SULT6B1: variants seen among roughly 807,000 people sequenced by gnomAD.
SULT6B1 encodes the protein sulfotransferase 6B1.
A neutral mutation model predicts 37.2 loss-of-function variants in SULT6B1; 44 were observed. The observed-to-expected ratio is 1.18, with a 90% CI of 0.93 to 1.52. The LOEUF (loss-of-function observed/expected upper bound fraction) is 1.52. SULT6B1 is among the 40% of genes most tolerant of loss of function. SULT6B1 has a pLI of 0.00. For missense variants in SULT6B1, 450 were observed against 361.0 expected, an observed-to-expected ratio of 1.25 and a Z score of -2.00; for synonymous variants, 140 against 126.0, an observed-to-expected ratio of 1.11 and a Z score of -0.74.
At chr2:37,187,318 A>G (rs372229778) in intron 2 of SULT6B1, 37 bp downstream of exon 2, 23 of 1,316,780 alleles carry the variant, frequency 1.7e-5, no homozygotes, top group Non-Finnish European at 2.4e-5. Flanking sequence ...TCTTTCTATG[A>G]TAATTTGCTG....
chr2:37,195,736 A>G (rs1258657299), intron 1 of SULT6B1, among the ~76,000 whole-genome samples: 1 of 151,942 alleles, frequency 6.6e-6, no homozygotes, highest in East Asian at 1.9e-4. Context: ...CTCTGTTTCC[A>G]TGTCCCCTTC....
At chr2:37,187,201 G>C (rs1676692608) in intron 2 of SULT6B1, among the ~76,000 whole-genome samples, 154 bp downstream of exon 2, 1 of 152,164 alleles carries the variant, frequency 6.6e-6, no homozygotes, top group Non-Finnish European at 1.5e-5. Flanking sequence ...AAAATGAGAT[G>C]ATACCTGAAC....
chr2:37,170,525 A>C (rs1479620411), intron 6 of SULT6B1, among the ~76,000 whole-genome samples: 1 of 149,934 alleles, frequency 6.7e-6, no homozygotes, highest in East Asian at 2.0e-4. Context: ...GGCCAGGTGC[A>C]GTGGCTCACG....
At chr2:37,179,169 A>G (rs1375557864) in intron 4 of SULT6B1, among the ~76,000 whole-genome samples, 1 of 152,166 alleles carries the variant, frequency 6.6e-6, no homozygotes, top group Non-Finnish European at 1.5e-5. Flanking sequence ...CGTGTTAGCC[A>G]GGACAGTCTT....
At chr2:37,177,411 C>CAAAAAAAAAAAAAAAAAAAAAAA (rs57205863) in intron 4 of SULT6B1, among the ~76,000 whole-genome samples, 1 of 76,294 alleles carries the variant, frequency 1.3e-5, no homozygotes, top group Non-Finnish European at 2.4e-5. Context: ...AATCTTGTCT[C>CAAAAAAAAAAAAAAAAAAAAAAA]AAAAAAAAAA....
intron 4 of SULT6B1, among the ~76,000 whole-genome samples, chr2:37,176,372 G>C (rs567190619): frequency 7.2e-6 from 1 of 139,670 alleles, no homozygotes; most frequent in Non-Finnish European, 1.5e-5. Flanking sequence ...AAGCAATTCT[G>C]TCTCAGTCTC....
At chr2:37,185,049 T>C (rs188783913) in intron 2 of SULT6B1, among the ~76,000 whole-genome samples, 128 of 152,034 alleles carry the variant, frequency 8.4e-4, no homozygotes, top group African/African-American at 2.9e-3. Context: ...GTAACCCCCA[T>C]TTTAGAGATT....
Position 37,183,503 on chromosome 2 carries a change from G to A in SULT6B1, c.324C>T (p.Gly108=). 6.2e-7 allele frequency: 1 copy of A among 1,613,698 alleles called. No homozygotes were observed. The highest frequency in any genetic ancestry group is 8.5e-7 in the Non-Finnish European group (1 of 1,179,632). Residue 108 remains glycine (G), a synonymous_variant, in exon 3 of 7, where the codon GGC becomes GGT. Coordinates refer to ENST00000535679, the MANE Select transcript of SULT6B1 (RefSeq NM_001367551.1). The stretch of plus-strand genomic sequence containing the variant: ...TTGCCAAAATCCTTGGTGATGGAAA[G>A]CCTTTCATTCTCTTAAAAATATACA... The part of the protein sequence containing the change: ...GDSEKYQRMK[G]FPSPRILATH...
intron 2 of SULT6B1, among the ~76,000 whole-genome samples, chr2:37,184,315 AC>A (rs1442466161): frequency 6.6e-6 from 1 of 152,246 alleles, no homozygotes; most frequent in Non-Finnish European, 1.5e-5. Flanking sequence ...GTACAGAGTT[AC>A]TTAAATGTCC....
Position 37,188,666 on chromosome 2 carries a change from T to TC in SULT6B1, c.-27dup. ...GGTGGCTCCCTGTAAAAGAACCTGC[T>TC]CTGTGGCTGTTCAGGGGGAGTGATT... On this transcript the variant is annotated 5_prime_UTR_variant, in exon 1 of 7. Coordinates refer to ENST00000535679, the MANE Select transcript of SULT6B1 (RefSeq NM_001367551.1). 1 of 834,702 alleles carries TC rather than the reference T, an allele frequency of 1.2e-6. No homozygotes were observed. Among genetic ancestry groups the TC allele is most frequent in the Non-Finnish European group, 2.0e-6 (1 of 504,252 alleles). 51.7% of individuals were successfully genotyped at this position (834,702 alleles called of 1,614,324 possible).
chr2:37,170,273 T>C (rs914794470), intron 6 of SULT6B1, among the ~76,000 whole-genome samples: 3 of 150,448 alleles, frequency 2.0e-5, no homozygotes, highest in Non-Finnish European at 4.4e-5. Flanking sequence ...TCAAGACCAG[T>C]CTGGCCAACA....
At position 37,178,768 on chromosome 2, in the gene SULT6B1, G is replaced by T. The variant is rs147616385; in HGVS notation, c.529+690C>A. ...TCTTTCTAGCAAACAAATGTCTTAGGTATAGTAGCTCAGTGTCATGGTTTT... is the reference window on the plus strand; with the variant it reads ...TCTTTCTAGCAAACAAATGTCTTAGTTATAGTAGCTCAGTGTCATGGTTTT... On this transcript the variant is annotated intron_variant, in intron 4 of 6. Coordinates refer to ENST00000535679, the MANE Select transcript of SULT6B1 (RefSeq NM_001367551.1). Among the ~76,000 whole-genome samples the T allele has an allele frequency of 4.8e-3, 737 of 152,176 alleles. 8 individuals carry two copies. The highest frequency in any genetic ancestry group is 0.017 in the African/African-American group (711 of 41,514).
chr2:37,186,638 T>A (rs139188397), intron 2 of SULT6B1, among the ~76,000 whole-genome samples: 1 of 152,174 alleles, frequency 6.6e-6, no homozygotes, highest in African/African-American at 2.4e-5. Flanking sequence ...ATGCCCATAA[T>A]CTCAGCACTT....
At chr2:37,173,611 G>A (rs903440736) in intron 5 of SULT6B1, among the ~76,000 whole-genome samples, 1 of 152,028 alleles carries the variant, frequency 6.6e-6, no homozygotes, top group Admixed American at 6.5e-5. Context: ...CTACTCAATC[G>A]GTGGCAACTC....
chr2:37,173,014 A>G (rs1001874089), intron 5 of SULT6B1, among the ~76,000 whole-genome samples: 20 of 149,022 alleles, frequency 1.3e-4, no homozygotes. Flanking sequence ...CACCACACCC[A>G]GCTAATTTTT....
At chr2:37,186,707 C>T (rs918174360) in intron 2 of SULT6B1, among the ~76,000 whole-genome samples, 6 of 151,686 alleles carry the variant, frequency 4.0e-5, no homozygotes, top group Admixed American at 1.3e-4. Context: ...GCCTGAGCAA[C>T]GAAATGAAAC....
In SULT6B1 at chr2:37,188,564, A is replaced by G; in HGVS notation, c.77T>C (p.Leu26Ser). ...EKSKETALSH[L>S]FFTYQGIPYP... ...AGGAATCCCCTGATAGGTGAAAAATAAATGAGAGAGTGCAGTTTCTTTTGA... is the reference window on the plus strand; with the variant it reads ...AGGAATCCCCTGATAGGTGAAAAATGAATGAGAGAGTGCAGTTTCTTTTGA... The change falls in exon 1 of 7, where the codon TTA (leucine) becomes TCA (serine). Residue 26 changes from leucine (L) to serine (S), a missense_variant. Physicochemically the swap from Leu to Ser is moderately radical, Grantham distance 145. Coordinates refer to ENST00000535679, the MANE Select transcript of SULT6B1 (RefSeq NM_001367551.1). 1 of 1,601,078 alleles carries G rather than the reference A, an allele frequency of 6.2e-7. No homozygotes were observed.
intron 4 of SULT6B1, among the ~76,000 whole-genome samples, chr2:37,176,520 A>G (rs1676433632): frequency 6.6e-6 from 1 of 152,094 alleles, no homozygotes. Flanking sequence ...TCGGCCACCC[A>G]AAGTGCTGGG....
At chr2:37,188,870 T>A (rs891810999), upstream of SULT6B1, among the ~76,000 whole-genome samples, 1 of 152,198 alleles carries the variant, frequency 6.6e-6, no homozygotes, top group Non-Finnish European at 1.5e-5. Flanking sequence ...GCTGATTACA[T>A]GACCATTTCG....
Sources: gnomAD v4.1 joint callset for allele counts (sites outside exome capture counted in the v4.1 genomes callset) on GRCh38, gnomAD v4.1.1 for gene constraint, MANE v1.5 for transcripts, NCBI Gene and HGNC (gene_info 2026-07-23, HGNC 2026-07-21) for gene names.